Variants in POLR3D observed in about 807,000 individuals in gnomAD.
POLR3D encodes DNA-directed RNA polymerase III subunit RPC4.
In POLR3D, 42 loss-of-function variants were observed where a neutral mutation model predicts 44.5. That is an observed-to-expected ratio of 0.94 (90% CI 0.74 to 1.22). The LOEUF (loss-of-function observed/expected upper bound fraction) is 1.22. POLR3D is among the 50% of genes most tolerant of loss of function. POLR3D has a pLI of 0.00. For synonymous variants in POLR3D, 217 were observed against 198.1 expected (o/e 1.10, Z -0.80); for missense variants, 507 against 505.2 (o/e 1.00, Z -0.03).
At chr8:22,245,378 G>A in intron 1 of POLR3D, 67 bp from the exon 2 acceptor site, 1 of 1,205,358 alleles carries the variant, frequency 8.3e-7, no homozygotes, top group Non-Finnish European at 1.1e-6. Flanking sequence ...GAAAGCAAGG[G>A]GGTGGGGTTC....
chr8:22,254,481 AAAAT>A lies in POLR3D; in HGVS notation c.*3970_*3973del, dbSNP rs1830132062. The A allele has an allele frequency of 6.6e-6, 1 of 152,200 alleles. No homozygotes were observed. The highest frequency in any genetic ancestry group is 2.1e-4 in the South Asian group (1 of 4,830). 9.4% of individuals were successfully genotyped at this position (152,200 alleles called of 1,614,324 possible). On this transcript the variant is annotated 3_prime_UTR_variant, in exon 9 of 9. Transcript: ENST00000306433. ...CAACATGGTGAAACCTTGTCTCTGAAAAATAAATAATACACACCCACATGCACAC... is the reference window on the plus strand; with the variant it reads ...CAACATGGTGAAACCTTGTCTCTGAAAAATAATACACACCCACATGCACAC...
chr8:22,249,322 A>T lies in POLR3D; in HGVS notation c.921+13A>T. ...GGAGAAAGACCGAGTACGCTCAGAC[A>T]GAGGCCTGCGGGAATCAAGTCGGGG... On this transcript the variant is annotated intron_variant, in intron 7 of 8. Coordinates refer to ENST00000306433, the MANE Select transcript of POLR3D (RefSeq NM_001722.3). 1.9e-6 allele frequency: 3 copies of T among 1,611,156 alleles called. No homozygotes were observed. Among genetic ancestry groups the T allele is most frequent in the Non-Finnish European group, 2.5e-6 (3 of 1,177,718 alleles).
At chr8:22,247,361 A>G in intron 3 of POLR3D, 97 bp downstream of exon 3, 1 of 875,284 alleles carries the variant, frequency 1.1e-6, no homozygotes, top group Admixed American at 2.2e-5. Flanking sequence ...CCAAAATTTA[A>G]ATTTATATCT....
chr8:22,250,894 C>T lies in POLR3D; in HGVS notation c.*376C>T, dbSNP rs1003043255. 2 of 267,510 alleles carry T rather than the reference C, an allele frequency of 7.5e-6. No individual in the cohort carries two copies. Among genetic ancestry groups the T allele is most frequent in the African/African-American group, 4.3e-5 (2 of 46,008 alleles). The allele number at this position is 267,510 out of a possible 1,614,324, so 16.6% of individuals were successfully genotyped here. The stretch of plus-strand genomic sequence containing the variant: ...GGAAGCGTGTGGACTGCAGCTTCTG[C>T]TGGTGCTCCCCCCGTCCTCCTGGAG... On this transcript the variant is annotated 3_prime_UTR_variant, in exon 9 of 9. Transcript: ENST00000306433.
At chr8:22,248,453 G>A in intron 5 of POLR3D, 28 bp from the exon 6 acceptor site, 1 of 1,609,372 alleles carries the variant, frequency 6.2e-7, no homozygotes, top group Non-Finnish European at 8.5e-7. Context: ...GTGCTAGCAG[G>A]CTGGATGACC....
chr8:22,251,300 A>G lies in POLR3D; in HGVS notation c.*782A>G, dbSNP rs1830103575. The G allele has an allele frequency of 6.5e-6, 1 of 153,476 alleles. No individual in the cohort carries two copies. 9.5% of individuals were successfully genotyped at this position (153,476 alleles called of 1,614,324 possible). A position where few individuals can be genotyped will look rare whatever the true frequency, so the allele number is the denominator to read the frequency against. On this transcript the variant is annotated 3_prime_UTR_variant, in exon 9 of 9. Transcript: ENST00000306433. ...ACCCTGGGCCTGATGCCCTAAATTT[A>G]TGGTGTCAGATTGTTCTATGCCTTT...
chr8:22,247,784 G>GT, intron 3 of POLR3D, 73 bp from the exon 4 acceptor site: 1 of 1,414,134 alleles, frequency 7.1e-7, no homozygotes. Context: ...GAGTGAAGTG[G>GT]TATGGGAGAG....
At chr8:22,248,131 G>C in intron 4 of POLR3D, 23 bp from the exon 5 acceptor site, 3 of 1,613,560 alleles carry the variant, frequency 1.9e-6, no homozygotes, top group Non-Finnish European at 2.5e-6. Flanking sequence ...TCGATCCCTA[G>C]TGACCTGGGT....
Position 22,250,397 on chromosome 8 carries a change from A to T in POLR3D, c.1076A>T (p.Glu359Val), listed in dbSNP as rs780945229. The T allele has an allele frequency of 9.3e-6, 15 of 1,614,038 alleles. No individual in the cohort carries two copies. The highest frequency in any genetic ancestry group is 1.7e-5 in the Admixed American group (1 of 60,004). ...TMGTACSFLQ[E>V]LVSVGLGDSR... ...ATCACTGTCTCTGTTAATTGGCAGG[A>T]GCTGGTGTCCGTGGGCCTTGGAGAC... Residue 359 changes from glutamate to valine, a missense_variant and splice_region_variant, in exon 9 of 9, where the codon GAG becomes GTG. Physicochemically the swap from Glu to Val is moderately radical, Grantham distance 121 (BLOSUM62 -2). Coordinates refer to ENST00000306433, the MANE Select transcript of POLR3D (RefSeq NM_001722.3).
intron 2 of POLR3D, 134 bp from the exon 3 acceptor site, chr8:22,247,087 C>T (rs1467824915): frequency 2.9e-5 from 19 of 648,988 alleles, no homozygotes; most frequent in Non-Finnish European, 5.0e-5. Flanking sequence ...ATAAAACTGA[C>T]AGCACTGTGG....
intron 5 of POLR3D, 87 bp downstream of exon 5, chr8:22,248,365 A>C (rs2131948781): frequency 6.3e-7 from 1 of 1,576,788 alleles, no homozygotes; most frequent in Non-Finnish European, 8.6e-7. Flanking sequence ...AGAAGAGCTT[A>C]CTGATGTCCT....
intron 5 of POLR3D, 47 bp from the exon 6 acceptor site, chr8:22,248,434 C>A: frequency 6.3e-7 from 1 of 1,599,554 alleles, no homozygotes; most frequent in South Asian, 1.1e-5. Flanking sequence ...GACTTTGATC[C>A]AGGTGCATGT....
intron 6 of POLR3D, 84 bp from the exon 7 acceptor site, chr8:22,248,960 G>C: frequency 6.8e-7 from 1 of 1,473,066 alleles, no homozygotes. Context: ...TGACAGTGGA[G>C]CAGACAGGGG....
chr8:22,245,306 C>G (rs2131946569), intron 1 of POLR3D, 123 bp downstream of exon 1: 1 of 576,876 alleles, frequency 1.7e-6, no homozygotes, highest in East Asian at 3.2e-5. Context: ...TCCCGGGAGT[C>G]TCGCCACGTG....
rs767251993 is a variant in POLR3D at position 22,248,629 on chromosome 8, T to A, written c.635T>A (p.Val212Glu). The A allele has an allele frequency of 6.2e-7, 1 of 1,613,328 alleles. No homozygotes were observed. The highest frequency in any genetic ancestry group is 1.3e-5 in the African/African-American group (1 of 74,838). The change falls in exon 6 of 9, where the codon GTG (valine) becomes GAG (glutamate). Residue 212 changes from valine (V) to glutamate (E), a missense_variant. Val to Glu is a moderately radical substitution (Grantham distance 121). Coordinates refer to ENST00000306433, the MANE Select transcript of POLR3D (RefSeq NM_001722.3). ...GGCCCCAAGGAAGAGGACATGGAGG[T>A]GGACATACCTGCTGTGAAAGGTACT... ...LAGPKEEDME[V>E]DIPAVKVKEE...
At position 22,248,746 on chromosome 8, in the gene POLR3D, C is replaced by T. The variant is rs561140456; in HGVS notation, c.655+97C>T. ...CTTGCATGTGCCCCTGACTGCTGCTCGTGAGCAGGTCCTCCCATTCCGGCT... is the reference window on the plus strand; with the variant it reads ...CTTGCATGTGCCCCTGACTGCTGCTTGTGAGCAGGTCCTCCCATTCCGGCT... On this transcript the variant is annotated intron_variant, in intron 6 of 8. Coordinates refer to ENST00000306433, the MANE Select transcript of POLR3D (RefSeq NM_001722.3). The T allele has an allele frequency of 5.0e-6, 6 of 1,198,048 alleles. No homozygotes were observed. The South Asian group carries it at 8.4e-5, about 17-fold the overall frequency. 74.2% of individuals were successfully genotyped at this position (1,198,048 alleles called of 1,614,324 possible).
rs1258436747 is a variant in POLR3D at position 22,251,291 on chromosome 8, C to A, written c.*773C>A. Reference sequence around the variant, plus strand: ...CCCGTCCTCACCCTGGGCCTGATGCCCTAAATTTATGGTGTCAGATTGTTC... The same window carrying A: ...CCCGTCCTCACCCTGGGCCTGATGCACTAAATTTATGGTGTCAGATTGTTC... On this transcript the variant is annotated 3_prime_UTR_variant, in exon 9 of 9. Coordinates refer to ENST00000306433, the MANE Select transcript of POLR3D (RefSeq NM_001722.3). The A allele has an allele frequency of 6.5e-6, 1 of 153,566 alleles. No individual in the cohort carries two copies. The highest frequency in any genetic ancestry group is 1.5e-5 in the Non-Finnish European group (1 of 68,062). 9.5% of individuals were successfully genotyped at this position (153,566 alleles called of 1,614,324 possible).
chr8:22,248,945 C>T (rs537077688), intron 6 of POLR3D, 99 bp from the exon 7 acceptor site: 1 of 1,371,930 alleles, frequency 7.3e-7, no homozygotes, highest in Non-Finnish European at 1.0e-6. Context: ...CACTCCCTGG[C>T]TGAGTGACAG....
At chr8:22,247,375 GT>G in intron 3 of POLR3D, 111 bp downstream of exon 3, 1 of 770,210 alleles carries the variant, frequency 1.3e-6, no homozygotes, top group Non-Finnish European at 2.2e-6. Context: ...TATATCTTTA[GT>G]TCTTTTCACT....
Sources: gnomAD v4.1 joint callset for allele counts on GRCh38, gnomAD v4.1.1 for gene constraint, MANE v1.5 for transcripts, NCBI Gene and HGNC (gene_info 2026-07-23, HGNC 2026-07-21) for gene names.